Variants in NBEA observed in about 807,000 individuals in gnomAD.
The protein encoded by NBEA is lysosomal-trafficking regulator 2.
In NBEA, 44 loss-of-function variants were observed where a neutral mutation model predicts 343.4. The ratio of observed to expected loss-of-function variants is 0.13; its 90% CI spans 0.10 to 0.16. NBEA has a LOEUF of 0.16. Among genes scored for constraint, NBEA ranks in the 10% least tolerant of loss-of-function variants. The probability of loss-of-function intolerance (pLI) is 1.00; values close to 1 mark genes in which losing one functional copy is unlikely to be tolerated. For missense variants in NBEA, 2,555 were observed against 3,631.3 expected (o/e 0.70, Z 7.62); for synonymous variants, 1,175 against 1,238.7 (o/e 0.95, Z 1.08).
Position 35,161,980 on chromosome 13 carries a change from C to G in NBEA, c.4079+13C>G, listed in dbSNP as rs780896835. The G allele has an allele frequency of 6.6e-7, 1 of 1,526,440 alleles. No homozygotes were observed. Among genetic ancestry groups the G allele is most frequent in the African/African-American group, 1.4e-5 (1 of 71,906 alleles). The allele number at this position is 1,526,440 out of a possible 1,614,324, so 94.6% of individuals were successfully genotyped here. On this transcript the variant is annotated intron_variant, in intron 23 of 58. Coordinates refer to ENST00000379939, the MANE Select transcript of NBEA (RefSeq NM_001385012.1). ...ATGTTTGGAGGAGGTAGAAATATTT[C>G]TTTTTTATAAATTAAAAGCAAATAT...
chr13:35,540,528 G>A lies in NBEA; in HGVS notation c.6586-9949G>A, dbSNP rs188192729. Among the ~76,000 whole-genome samples, 86 of 152,296 alleles carry A rather than the reference G, an allele frequency of 5.6e-4. 1 individual carries two copies. Among genetic ancestry groups the A allele is most frequent in the African/African-American group, 2.0e-3 (84 of 41,578 alleles). On this transcript the variant is annotated intron_variant, in intron 41 of 58. Coordinates refer to ENST00000379939, the MANE Select transcript of NBEA (RefSeq NM_001385012.1). Reference sequence around the variant, plus strand: ...AATATTTACACAAGAACATTCATGAGTAGGACAAAAATGAAGCAACTGTGC... The same window carrying A: ...AATATTTACACAAGAACATTCATGAATAGGACAAAAATGAAGCAACTGTGC...
chr13:35,155,595 T>C (rs1488134596), intron 18 of NBEA, among the ~76,000 whole-genome samples, 179 bp from the exon 19 acceptor site: 1 of 152,164 alleles, frequency 6.6e-6, no homozygotes, highest in Non-Finnish European at 1.5e-5. Flanking sequence ...CACTCCAACC[T>C]GGGCAACAAG....
chr13:35,652,915 C>G (rs1162061385), intron 53 of NBEA, among the ~76,000 whole-genome samples: 1 of 150,776 alleles, frequency 6.6e-6, no homozygotes, highest in East Asian at 2.0e-4. Flanking sequence ...AGGATGGTCT[C>G]GATCTCCTGA....
chr13:35,304,922 T>C (rs144502072), intron 35 of NBEA, among the ~76,000 whole-genome samples: 2 of 152,142 alleles, frequency 1.3e-5, no homozygotes, highest in Admixed American at 6.5e-5. Flanking sequence ...GTTATACTAA[T>C]GTTCTTGGTT....
At chr13:35,222,965 C>G (rs192140461) in intron 33 of NBEA, among the ~76,000 whole-genome samples, 3 of 152,038 alleles carry the variant, frequency 2.0e-5, no homozygotes, top group Non-Finnish European at 4.4e-5. Context: ...AACCGCATCT[C>G]TAATAAAAAT....
At chr13:35,666,159 A>AT (rs34178740) in intron 56 of NBEA, among the ~76,000 whole-genome samples, 107,001 of 150,914 alleles carry the variant, frequency 0.71, 38,076 homozygotes, top group Middle Eastern at 0.81. Context: ...AGCATTTGCA[A>AT]TTTTTTTTTA....
intron 53 of NBEA, among the ~76,000 whole-genome samples, chr13:35,654,583 TTTAAA>T (rs1234127749): frequency 4.6e-5 from 7 of 152,244 alleles, no homozygotes; most frequent in African/African-American, 7.2e-5. Context: ...TGTATTATGT[TTTAAA>T]TTAATTGTCT....
chr13:35,561,294 T>A (rs559943798), intron 44 of NBEA, among the ~76,000 whole-genome samples: 3 of 152,134 alleles, frequency 2.0e-5, no homozygotes, highest in Non-Finnish European at 2.9e-5. Context: ...TTATGTAAAT[T>A]CACTAGAATT....
chr13:35,023,048 A>G (rs1310781779), intron 1 of NBEA, among the ~76,000 whole-genome samples: 2 of 152,160 alleles, frequency 1.3e-5, no homozygotes, highest in African/African-American at 2.4e-5. Context: ...ATAGCAGTAT[A>G]CTAAAGGAAG....
chr13:35,276,119 C>T (rs959197378), intron 34 of NBEA, among the ~76,000 whole-genome samples: 1 of 152,134 alleles, frequency 6.6e-6, no homozygotes, highest in Non-Finnish European at 1.5e-5. Flanking sequence ...TTATCCCTTA[C>T]TATGAAATCA....
At chr13:35,391,138 G>A (rs2042479734) in intron 38 of NBEA, among the ~76,000 whole-genome samples, 2 of 152,034 alleles carry the variant, frequency 1.3e-5, no homozygotes, top group African/African-American at 4.8e-5. Context: ...TGCTGGGCTT[G>A]ATGGCACGCA....
At chr13:35,406,422 C>G (rs1211042502) in intron 38 of NBEA, among the ~76,000 whole-genome samples, 1 of 151,930 alleles carries the variant, frequency 6.6e-6, no homozygotes, top group African/African-American at 2.4e-5. Flanking sequence ...GCAGTGTACA[C>G]TGTACCCAAT....
At chr13:35,390,323 T>A (rs1322942721) in intron 38 of NBEA, among the ~76,000 whole-genome samples, 1 of 152,106 alleles carries the variant, frequency 6.6e-6, no homozygotes, top group African/African-American at 2.4e-5. Flanking sequence ...AAATAAGGGC[T>A]TTAACACTTT....
intron 38 of NBEA, among the ~76,000 whole-genome samples, chr13:35,375,615 A>T (rs1469722762): frequency 6.6e-6 from 1 of 152,106 alleles, no homozygotes; most frequent in Non-Finnish European, 1.5e-5. Context: ...TGTAATACAG[A>T]GAAAGGGACA....
chr13:35,257,212 G>T (rs1441807107), intron 34 of NBEA, among the ~76,000 whole-genome samples: 1 of 152,206 alleles, frequency 6.6e-6, no homozygotes, highest in Non-Finnish European at 1.5e-5. Context: ...TAGTAAAGTG[G>T]ATAAGTTTAA....
In NBEA at chr13:35,056,007, A is replaced by C. The variant is rs2063245394; in HGVS notation, c.973-3A>C. 3.2e-6 allele frequency: 5 copies of C among 1,574,020 alleles called. No homozygotes were observed. Among genetic ancestry groups the C allele is most frequent in the Non-Finnish European group, 4.3e-6 (5 of 1,161,642 alleles). Reference sequence around the variant, plus strand: ...ATTGATATATTTAATTTTTTTATTTAAGTGGTACATGATCAGCATTGTCCA... The same window carrying C: ...ATTGATATATTTAATTTTTTTATTTCAGTGGTACATGATCAGCATTGTCCA... On this transcript the variant is annotated splice_polypyrimidine_tract_variant and splice_region_variant and intron_variant, in intron 6 of 58. Coordinates refer to ENST00000379939, the MANE Select transcript of NBEA (RefSeq NM_001385012.1).
intron 47 of NBEA, among the ~76,000 whole-genome samples, chr13:35,597,210 G>A (rs866375042): frequency 2.8e-4 from 42 of 152,102 alleles, no homozygotes; most frequent in African/African-American, 8.2e-4. Flanking sequence ...TTGACAGAAT[G>A]TATATAATAC....
chr13:35,253,371 A>T (rs907204909), intron 34 of NBEA, among the ~76,000 whole-genome samples: 6 of 152,218 alleles, frequency 3.9e-5, no homozygotes, highest in African/African-American at 1.4e-4. Flanking sequence ...GTATATTTTT[A>T]AATTAAGGTA....
Position 35,026,636 on chromosome 13 carries a change from A to G in NBEA, c.295-14297A>G, listed in dbSNP as rs948407241. On this transcript the variant is annotated intron_variant, in intron 1 of 58. Coordinates refer to ENST00000379939, the MANE Select transcript of NBEA (RefSeq NM_001385012.1). ...AATGATTGTTCCATAATTGTTTTAT[A>G]TATTCTTTCAATTGGCCAGCTAGAT... Among the ~76,000 whole-genome samples the G allele has an allele frequency of 1.1e-4, 17 of 152,254 alleles. 1 individual carries two copies. Among genetic ancestry groups the G allele is most frequent in the Admixed American group, 8.5e-4 (13 of 15,258 alleles).
Sources: allele counts gnomAD v4.1 joint callset (sites outside exome capture counted in the v4.1 genomes callset), GRCh38; gene constraint gnomAD v4.1.1; transcripts MANE v1.5; gene names NCBI Gene and HGNC (gene_info 2026-07-23, HGNC 2026-07-21).